Variants in FGF12 observed in about 807,000 individuals in gnomAD.
The protein encoded by FGF12 is fibroblast growth factor 12.
A neutral mutation model predicts 23.6 loss-of-function variants in FGF12; 14 were observed. The ratio of observed to expected loss-of-function variants is 0.59; its 90% CI spans 0.39 to 0.93. The LOEUF is 0.93. Among genes scored for constraint, FGF12 ranks in the 40% least tolerant of loss-of-function variants. The probability of loss-of-function intolerance (pLI) is 0.00; values close to 1 mark genes in which losing one functional copy is unlikely to be tolerated. For missense variants in FGF12, 175 were observed against 217.8 expected, an observed-to-expected ratio of 0.80 and a Z score of 1.24; for synonymous variants, 62 against 77.3, an observed-to-expected ratio of 0.80 and a Z score of 1.04.
intron 4 of FGF12, among the ~76,000 whole-genome samples, chr3:192,270,259 T>A (rs1253062260): frequency 6.6e-6 from 1 of 152,202 alleles, no homozygotes; most frequent in African/African-American, 2.4e-5. Context: ...ATTTTTCTTT[T>A]CTCCAAGGAG....
At chr3:192,640,671 G>A (rs1396211419) in intron 2 of FGF12, among the ~76,000 whole-genome samples, 1 of 152,150 alleles carries the variant, frequency 6.6e-6, no homozygotes. Context: ...AAAAATTTTG[G>A]TTGGTAAAAG....
At chr3:192,669,602 T>TAAAAAAAAAAAAAAA (rs59897483) in intron 2 of FGF12, among the ~76,000 whole-genome samples, 9 of 59,526 alleles carry the variant, frequency 1.5e-4, no homozygotes, top group Non-Finnish European at 2.5e-4. Context: ...GACTCTGTCT[T>TAAAAAAAAAAAAAAA]AAAAAAAAAA....
chr3:192,340,868 CAT>C, intron 3 of FGF12, among the ~76,000 whole-genome samples: 1 of 151,982 alleles, frequency 6.6e-6, no homozygotes, highest in East Asian at 1.9e-4. Context: ...AGGAAAAAAA[CAT>C]AGGGGAAAAA....
intron 2 of FGF12, among the ~76,000 whole-genome samples, chr3:192,595,506 G>A (rs1344333893): frequency 6.6e-6 from 1 of 152,120 alleles, no homozygotes; most frequent in African/African-American, 2.4e-5. Context: ...GTAGAGCAGT[G>A]GTTCTTACTC....
chr3:192,297,973 T>C (rs971253459), intron 4 of FGF12, among the ~76,000 whole-genome samples: 3 of 152,192 alleles, frequency 2.0e-5, no homozygotes, highest in African/African-American at 7.2e-5. Flanking sequence ...TCTATATTTC[T>C]GAATATAACA....
intron 2 of FGF12, among the ~76,000 whole-genome samples, chr3:192,634,807 G>A (rs1225641283): frequency 1.3e-5 from 2 of 152,080 alleles, no homozygotes; most frequent in African/African-American, 2.4e-5. Flanking sequence ...ATAACTGTGA[G>A]TGTTTAAAAA....
chr3:192,446,445 A>G (rs774378394), intron 2 of FGF12, among the ~76,000 whole-genome samples: 2 of 152,208 alleles, frequency 1.3e-5, no homozygotes, highest in African/African-American at 2.4e-5. Context: ...TAAATTAAGC[A>G]AATGCTCGTT....
At chr3:192,357,445 A>G (rs542671537) in intron 3 of FGF12, among the ~76,000 whole-genome samples, 1 of 151,892 alleles carries the variant, frequency 6.6e-6, no homozygotes, top group African/African-American at 2.4e-5. Flanking sequence ...TCACACCACT[A>G]TACTCCAGCC....
At chr3:192,453,856 G>T (rs184512926) in intron 2 of FGF12, among the ~76,000 whole-genome samples, 2 of 151,930 alleles carry the variant, frequency 1.3e-5, no homozygotes. Context: ...ACTAATCTGG[G>T]TTTAAACTTT....
At chr3:192,320,489 T>C (rs893516169) in intron 4 of FGF12, among the ~76,000 whole-genome samples, 2 of 152,162 alleles carry the variant, frequency 1.3e-5, no homozygotes, top group African/African-American at 2.4e-5. Context: ...GAGCATTCCA[T>C]TAAATGGCTG....
chr3:192,589,480 G>A (rs1713534611), intron 2 of FGF12, among the ~76,000 whole-genome samples: 1 of 151,890 alleles, frequency 6.6e-6, no homozygotes, highest in South Asian at 2.1e-4. Context: ...GTTTTGGAAT[G>A]GAAAAGAAAG....
chr3:192,446,529 A>T (rs1422491679), intron 2 of FGF12, among the ~76,000 whole-genome samples: 1 of 152,240 alleles, frequency 6.6e-6, no homozygotes, highest in African/African-American at 2.4e-5. Flanking sequence ...AAATTGGGCA[A>T]TTCACAGATG....
chr3:192,237,780 C>T (rs1474564438), intron 4 of FGF12, among the ~76,000 whole-genome samples: 1 of 152,170 alleles, frequency 6.6e-6, no homozygotes, highest in African/African-American at 2.4e-5. Flanking sequence ...TCTCCTGTAA[C>T]TATATGTGGT....
intron 2 of FGF12, among the ~76,000 whole-genome samples, chr3:192,697,898 T>C (rs1475289990): frequency 6.6e-6 from 1 of 152,180 alleles, no homozygotes; most frequent in Non-Finnish European, 1.5e-5. Flanking sequence ...TGTGCAAATG[T>C]TGCCTCTTCA....
intron 4 of FGF12, among the ~76,000 whole-genome samples, chr3:192,308,246 G>A (rs1405364720): frequency 6.6e-6 from 1 of 152,158 alleles, no homozygotes; most frequent in Non-Finnish European, 1.5e-5. Flanking sequence ...AACCCAATAT[G>A]CAACTGTCTC....
At chr3:192,181,685 C>T (rs1716187827) in intron 4 of FGF12, among the ~76,000 whole-genome samples, 1 of 147,356 alleles carries the variant, frequency 6.8e-6, no homozygotes, top group Non-Finnish European at 1.5e-5. Flanking sequence ...GACTGGAGTG[C>T]AGTAGCGGGA....
intron 4 of FGF12, among the ~76,000 whole-genome samples, chr3:192,178,118 C>A (rs1030059594): frequency 2.6e-5 from 4 of 152,078 alleles, no homozygotes; most frequent in African/African-American, 9.7e-5. Flanking sequence ...ATGGGAAAGG[C>A]CTCTTTCTTT....
chr3:192,678,208 T>C (rs1432889141), intron 2 of FGF12, among the ~76,000 whole-genome samples: 2 of 152,178 alleles, frequency 1.3e-5, no homozygotes, highest in African/African-American at 2.4e-5. Flanking sequence ...CCTTGTGAGG[T>C]AGGTACTCTT....
chr3:192,724,084 G>GAAGGAAGGAAGA (rs1719132805), intron 2 of FGF12, among the ~76,000 whole-genome samples: 1 of 129,780 alleles, frequency 7.7e-6, no homozygotes, highest in Non-Finnish European at 1.6e-5. Flanking sequence ...AGGAAGAAAG[G>GAAGGAAGGAAGA]AAGGAAGGAA....
Sources: gnomAD v4.1 joint callset for allele counts (sites outside exome capture counted in the v4.1 genomes callset) on GRCh38, gnomAD v4.1.1 for gene constraint, MANE v1.5 for transcripts, NCBI Gene and HGNC (gene_info 2026-07-23, HGNC 2026-07-21) for gene names.